The following CCDC102B variants were observed in gnomAD, a reference collection of about 807,000 sequenced individuals.
The protein encoded by CCDC102B is coiled-coil domain containing 102B.
Under a neutral mutation model 57.4 loss-of-function variants are expected in CCDC102B, and 75 were observed. The ratio of observed to expected loss-of-function variants is 1.31; its 90% CI spans 1.08 to 1.58. The LOEUF is 1.58. CCDC102B is among the 40% of genes most tolerant of loss of function. The pLI is 0.00. For missense variants in CCDC102B, 636 were observed against 582.6 expected (o/e 1.09, Z -0.94); for synonymous variants, 206 against 201.9 (o/e 1.02, Z -0.17).
At chr18:68,822,321 G>C (rs1449627937) in intron 1 of CCDC102B, among the ~76,000 whole-genome samples, 1 of 151,722 alleles carries the variant, frequency 6.6e-6, no homozygotes, top group Non-Finnish European at 1.5e-5. Flanking sequence ...TTGAACCTGG[G>C]AGGCGTAGGT....
chr18:68,764,824 C>G (rs2034370711), intron 2 of CCDC102B, among the ~76,000 whole-genome samples: 2 of 151,632 alleles, frequency 1.3e-5, no homozygotes, highest in African/African-American at 4.8e-5. Context: ...TCAGTTGAGC[C>G]CAGGAGTTTG....
At chr18:68,772,796 G>T (rs947584267) in intron 2 of CCDC102B, among the ~76,000 whole-genome samples, 2 of 152,048 alleles carry the variant, frequency 1.3e-5, no homozygotes, top group Admixed American at 6.6e-5. Context: ...CTAATTAAAA[G>T]AATGGCTTTA....
chr18:68,815,826 G>C (rs976811006), intron 1 of CCDC102B, among the ~76,000 whole-genome samples: 1 of 151,998 alleles, frequency 6.6e-6, no homozygotes, highest in East Asian at 1.9e-4. Flanking sequence ...GTAACTGTAA[G>C]CTAAGAGTTG....
chr18:68,745,579 TTGTGC>T (rs1198414921), intron 2 of CCDC102B, among the ~76,000 whole-genome samples: 3 of 152,174 alleles, frequency 2.0e-5, no homozygotes, highest in Non-Finnish European at 2.9e-5. Flanking sequence ...TTGGTGCTTC[TTGTGC>T]TGGGAATATT....
chr18:68,908,921 C>T (rs773213598), intron 6 of CCDC102B, among the ~76,000 whole-genome samples: 10 of 151,822 alleles, frequency 6.6e-5, no homozygotes, highest in Non-Finnish European at 1.5e-4. Flanking sequence ...AGTGGCTCTT[C>T]TTGTACTGAT....
intron 5 of CCDC102B, among the ~76,000 whole-genome samples, chr18:68,875,794 G>A (rs1460237482): frequency 6.6e-6 from 1 of 152,030 alleles, no homozygotes. Flanking sequence ...TACTGCAAGG[G>A]AACAGTTTTC....
intron 1 of CCDC102B, among the ~76,000 whole-genome samples, chr18:68,820,458 C>A (rs1266490000): frequency 6.6e-6 from 1 of 152,026 alleles, no homozygotes; most frequent in African/African-American, 2.4e-5. Context: ...GCTAACATTT[C>A]TATTAGGGCG....
intron 7 of CCDC102B, among the ~76,000 whole-genome samples, chr18:69,036,475 T>C (rs1457626139): frequency 6.6e-6 from 1 of 152,100 alleles, no homozygotes; most frequent in East Asian, 1.9e-4. Context: ...AAATATTGAA[T>C]TGGATTCATC....
At chr18:69,035,505 G>A (rs2052265762) in intron 7 of CCDC102B, among the ~76,000 whole-genome samples, 2 of 152,080 alleles carry the variant, frequency 1.3e-5, no homozygotes, top group African/African-American at 4.8e-5. Flanking sequence ...TTTCCATATA[G>A]GCAGTAAAAA....
At chr18:68,867,696 A>G (rs2144905899) in intron 4 of CCDC102B, among the ~76,000 whole-genome samples, 1 of 152,254 alleles carries the variant, frequency 6.6e-6, no homozygotes, top group Middle Eastern at 3.4e-3. Flanking sequence ...GCACTTTGGG[A>G]GGCCGAGGCG....
intron 2 of CCDC102B, among the ~76,000 whole-genome samples, chr18:68,728,874 A>G: frequency 6.6e-6 from 1 of 152,170 alleles, no homozygotes; most frequent in East Asian, 1.9e-4. Context: ...AGAAAGGGGT[A>G]GTGTAAGGAT....
intron 7 of CCDC102B, among the ~76,000 whole-genome samples, chr18:69,048,352 A>G (rs1055280334): frequency 6.6e-6 from 1 of 152,082 alleles, no homozygotes; most frequent in African/African-American, 2.4e-5. Context: ...TTGAACCTAT[A>G]TAACAGAATG....
intron 2 of CCDC102B, among the ~76,000 whole-genome samples, chr18:68,743,869 T>C (rs1194133265): frequency 6.6e-6 from 1 of 152,234 alleles, no homozygotes; most frequent in Non-Finnish European, 1.5e-5. Flanking sequence ...ATTATTTTGT[T>C]GTTGTCATTG....
At chr18:68,959,109 G>A (rs143867718) in intron 6 of CCDC102B, among the ~76,000 whole-genome samples, 59 of 152,096 alleles carry the variant, frequency 3.9e-4, no homozygotes, top group African/African-American at 1.3e-3. Flanking sequence ...TGTAGTTTTC[G>A]CAGTCTGTAC....
rs17080109 is a variant in CCDC102B, at chr18:69,036,556, A to C, written c.1435-17474A>C. Among the ~76,000 whole-genome samples, 941 of 151,924 alleles carry C rather than the reference A, an allele frequency of 6.2e-3. 12 individuals carry two copies. The highest frequency in any genetic ancestry group is 0.022 in the African/African-American group (899 of 41,250). On this transcript the variant is annotated intron_variant, in intron 7 of 7. Transcript: ENST00000360242. The stretch of plus-strand genomic sequence containing the variant: ...ATTATAGCCTACTTGCTTGGCAATG[A>C]CTTTTAACAACAGTGGAAGGGCGTC...
chr18:68,809,055 T>C (rs932774951), intron 1 of CCDC102B, among the ~76,000 whole-genome samples: 2 of 152,334 alleles, frequency 1.3e-5, no homozygotes, highest in South Asian at 4.1e-4. Context: ...ACTTGGGAAG[T>C]TTCATGTTCA....
chr18:68,765,345 G>T (rs1299175436), intron 2 of CCDC102B, among the ~76,000 whole-genome samples: 1 of 119,466 alleles, frequency 8.4e-6, no homozygotes, highest in Non-Finnish European at 1.7e-5. Flanking sequence ...AAGAAAGAAA[G>T]AAAGAAAGAA....
rs192728333 is a variant in CCDC102B, at chr18:68,764,808, G to C, written c.-67+48214G>C. The stretch of plus-strand genomic sequence containing the variant: ...AAGAAAATAATGGGAGACCAAGGCA[G>C]GCACATCAGTTGAGCCCAGGAGTTT... On this transcript the variant is annotated intron_variant, in intron 2 of 3. Coordinates refer to the CCDC102B transcript ENST00000578970. Among the ~76,000 whole-genome samples the C allele has an allele frequency of 2.8e-3, 429 of 151,956 alleles. 1 individual carries two copies. Among genetic ancestry groups the C allele is most frequent in the African/African-American group, 9.9e-3 (411 of 41,438 alleles).
chr18:69,054,041 C>T lies in CCDC102B; in HGVS notation c.1446C>T (p.Ser482=). The change falls in exon 8 of 8, where the codon TCC becomes TCT. Residue 482 remains serine, a synonymous_variant. Transcript: ENST00000360242. ...TACTTCGCTTTCAGCTTGATGATTC[C>T]CTGAATCAGATCCGTAAGCTCCAGA... The part of the protein sequence containing the change: ...LNQKEDELDD[S]LNQIRKLQRS... 1 of 1,601,866 alleles carries T rather than the reference C, an allele frequency of 6.2e-7. No homozygotes were observed. Among genetic ancestry groups the T allele is most frequent in the Non-Finnish European group, 8.5e-7 (1 of 1,176,468 alleles).
Sources: allele counts gnomAD v4.1 joint callset (sites outside exome capture counted in the v4.1 genomes callset), GRCh38; gene constraint gnomAD v4.1.1; transcripts MANE v1.5; gene names NCBI Gene and HGNC (gene_info 2026-07-23, HGNC 2026-07-21).